Variants in HMCN1 observed in about 807,000 individuals in gnomAD.
The protein encoded by HMCN1 is hemicentin-1.
HMCN1 carries 321 observed loss-of-function variants against 625.9 expected under a neutral mutation model. The observed-to-expected ratio is 0.51, with a 90% CI of 0.47 to 0.56. The LOEUF (loss-of-function observed/expected upper bound fraction) is 0.56, where lower values mean the gene tolerates loss of function less well. Ranked by LOEUF, HMCN1 falls within the 20% of genes least tolerant of loss-of-function variation. The probability of loss-of-function intolerance (pLI) is 0.00; values close to 1 mark genes in which losing one functional copy is unlikely to be tolerated. For synonymous variants in HMCN1, 2,425 were observed against 2,417.6 expected (o/e 1.00, Z -0.09); for missense variants, 6,588 against 6,887.3 (o/e 0.96, Z 1.54).
At chr1:186,125,407 C>T (rs552782735) in intron 81 of HMCN1, among the ~76,000 whole-genome samples, 197 bp from the exon 82 acceptor site, 3 of 152,284 alleles carry the variant, frequency 2.0e-5, no homozygotes, top group Non-Finnish European at 4.4e-5. Flanking sequence ...AGTTCAATTA[C>T]ATTAGGATTC....
chr1:185,869,111 T>G (rs370801956), intron 4 of HMCN1, among the ~76,000 whole-genome samples: 6 of 152,208 alleles, frequency 3.9e-5, no homozygotes, highest in Non-Finnish European at 8.8e-5. Context: ...GAATTTTAGC[T>G]AGGAGTATTT....
intron 8 of HMCN1, 80 bp downstream of exon 8, chr1:185,923,733 T>A: frequency 8.5e-7 from 1 of 1,183,388 alleles, no homozygotes; most frequent in Non-Finnish European, 1.2e-6. Context: ...TAACGGACTA[T>A]CAAATAAAAA....
chr1:185,985,205 T>G (rs1651926545), intron 19 of HMCN1, among the ~76,000 whole-genome samples: 1 of 152,200 alleles, frequency 6.6e-6, no homozygotes, highest in South Asian at 2.1e-4. Context: ...ATCCACCACA[T>G]CACCTTAGAT....
chr1:186,031,200 TCTTC>T, intron 36 of HMCN1, among the ~76,000 whole-genome samples: 1 of 152,162 alleles, frequency 6.6e-6, no homozygotes, highest in Admixed American at 6.5e-5. Context: ...AGCAATGAAT[TCTTC>T]CTAGAATTCA....
At chr1:185,754,532 G>A (rs1420432695) in intron 1 of HMCN1, among the ~76,000 whole-genome samples, 1 of 151,986 alleles carries the variant, frequency 6.6e-6, no homozygotes, top group Non-Finnish European at 1.5e-5. Flanking sequence ...TTTTGAGTGT[G>A]TTTGAAAAGT....
chr1:186,136,185 G>T (rs1347191672), intron 86 of HMCN1, among the ~76,000 whole-genome samples: 3 of 146,012 alleles, frequency 2.1e-5, no homozygotes, highest in Non-Finnish European at 3.0e-5. Context: ...CAAAAAAAAA[G>T]AATGAGTTAA....
chr1:186,063,067 C>T (rs200909522), intron 48 of HMCN1, among the ~76,000 whole-genome samples: 1,589 of 59,552 alleles, frequency 0.027, 7 homozygotes, highest in African/African-American at 0.044. Flanking sequence ...TGTGTGTGTG[C>T]ATATATATAT....
chr1:186,184,509 G>A (rs1220681273), intron 105 of HMCN1, among the ~76,000 whole-genome samples: 1 of 152,166 alleles, frequency 6.6e-6, no homozygotes, highest in Non-Finnish European at 1.5e-5. Flanking sequence ...CTAAGACACA[G>A]AGAGGAGAAA....
chr1:185,917,788 C>T (rs1301249599), intron 6 of HMCN1, among the ~76,000 whole-genome samples: 2 of 152,168 alleles, frequency 1.3e-5, no homozygotes, highest in African/African-American at 4.8e-5. Context: ...AATCCATCTG[C>T]AGTAGAGCTG....
At chr1:185,916,334 A>G (rs750105798) in intron 6 of HMCN1, among the ~76,000 whole-genome samples, 23 of 152,278 alleles carry the variant, frequency 1.5e-4, no homozygotes, top group Non-Finnish European at 2.9e-4. Context: ...TTCAAGATTC[A>G]TTACTTAAAG....
At chr1:185,916,068 A>ATG (rs372973815) in intron 6 of HMCN1, among the ~76,000 whole-genome samples, 4,720 of 149,450 alleles carry the variant, frequency 0.032, 225 homozygotes, top group African/African-American at 0.11. Flanking sequence ...GTGTGTGCAT[A>ATG]TGTGTGTGTG....
At chr1:185,792,142 A>G (rs55887884) in intron 1 of HMCN1, among the ~76,000 whole-genome samples, 13,868 of 152,252 alleles carry the variant, frequency 0.091, 2,043 homozygotes, top group African/African-American at 0.31. Flanking sequence ...TTTTAGAAGG[A>G]TAACTCTGAA....
At chr1:186,074,705 G>T (rs1369547634) in intron 52 of HMCN1, 36 bp from the exon 53 acceptor site, 2 of 1,600,460 alleles carry the variant, frequency 1.2e-6, no homozygotes, top group Non-Finnish European at 1.7e-6. Flanking sequence ...ATTCATTATA[G>T]CACTTAATGC....
intron 1 of HMCN1, among the ~76,000 whole-genome samples, chr1:185,812,985 T>A (rs1659621436): frequency 6.6e-6 from 1 of 152,158 alleles, no homozygotes. Flanking sequence ...TTCACATGTT[T>A]TCTCATGAGA....
chr1:185,945,542 A>G (rs1359484720), intron 11 of HMCN1, among the ~76,000 whole-genome samples: 5 of 152,212 alleles, frequency 3.3e-5, no homozygotes, highest in African/African-American at 9.6e-5. Context: ...ACAAATAAAT[A>G]TTTACAATAC....
rs1458477361 is a variant in HMCN1 at position 185,962,569 on chromosome 1, C to A, written c.1880C>A (p.Ser627Tyr). 1 of 1,610,044 alleles carries A rather than the reference C, an allele frequency of 6.2e-7. No individual in the cohort carries two copies. ...MPKNQSFTGG[S>Y]EVSIMCSATG... The stretch of plus-strand genomic sequence containing the variant: ...AAGAATCAGTCTTTCACAGGAGGGT[C>A]TGAGGTCTCCATCATGTGTTCTGCA... Residue 627 changes from serine to tyrosine, a missense_variant, in exon 12 of 107, where the codon TCT becomes TAT. This residue lies in a region of HMCN1 where 4,628 missense variants were observed against 4,853.1 expected (regional missense o/e 0.95). Transcript: ENST00000271588.
At chr1:186,030,631 T>C (rs1455796313) in intron 36 of HMCN1, among the ~76,000 whole-genome samples, 1 of 152,026 alleles carries the variant, frequency 6.6e-6, no homozygotes, top group African/African-American at 2.4e-5. Context: ...AAAACTCCAT[T>C]CTGCCAATCT....
At chr1:186,039,436 CT>C (rs1656063787) in intron 38 of HMCN1, among the ~76,000 whole-genome samples, 1 of 151,498 alleles carries the variant, frequency 6.6e-6, no homozygotes, top group African/African-American at 2.4e-5. Flanking sequence ...ACACACACGC[CT>C]AGAAATCAAT....
At chr1:186,147,725 G>A (rs1280083540) in intron 93 of HMCN1, among the ~76,000 whole-genome samples, 1 of 152,148 alleles carries the variant, frequency 6.6e-6, no homozygotes, top group Non-Finnish European at 1.5e-5. Flanking sequence ...GTACTATTAA[G>A]TATCCAACAG....
Sources: allele counts gnomAD v4.1 joint callset (sites outside exome capture counted in the v4.1 genomes callset), GRCh38; gene constraint gnomAD v4.1.1; regional missense constraint gnomAD v4.1.1; transcripts MANE v1.5; gene names NCBI Gene and HGNC (gene_info 2026-07-23, HGNC 2026-07-21).